The following GPR158 variants were observed in gnomAD, a reference collection of about 807,000 sequenced individuals.
GPR158 encodes G protein-coupled receptor 158.
GPR158 carries 30 observed loss-of-function variants against 78.2 expected under a neutral mutation model. The ratio of observed to expected loss-of-function variants is 0.38; its 90% CI spans 0.29 to 0.52. The LOEUF is 0.52. GPR158 is among the 20% of genes least tolerant of loss of function. The pLI, the probability that GPR158 is intolerant of heterozygous loss-of-function variation, is 0.83. For missense variants in GPR158, 1,463 were observed against 1,523.5 expected (o/e 0.96, Z 0.66); for synonymous variants, 581 against 591.1 (o/e 0.98, Z 0.25).
At chr10:25,305,731 A>T (rs892170999) in intron 2 of GPR158, among the ~76,000 whole-genome samples, 1 of 152,192 alleles carries the variant, frequency 6.6e-6, no homozygotes, top group African/African-American at 2.4e-5. Flanking sequence ...AGAGGCAGAA[A>T]AAACAGCAAC....
intron 5 of GPR158, among the ~76,000 whole-genome samples, chr10:25,487,281 T>TA (rs1362791655): frequency 1.3e-5 from 2 of 152,176 alleles, no homozygotes; most frequent in African/African-American, 2.4e-5. Context: ...ACCCTCCTGT[T>TA]TTATAGCTTA....
intron 1 of GPR158, among the ~76,000 whole-genome samples, chr10:25,178,907 G>A (rs1280567309): frequency 6.6e-6 from 1 of 152,164 alleles, no homozygotes; most frequent in Non-Finnish European, 1.5e-5. Context: ...TCTGCCTCTG[G>A]TTTATCCTAT....
chr10:25,510,694 C>A (rs371131142), intron 5 of GPR158, among the ~76,000 whole-genome samples: 2 of 152,134 alleles, frequency 1.3e-5, no homozygotes, highest in East Asian at 3.9e-4. Flanking sequence ...GTCTTTTATC[C>A]CTCAACCCTG....
At chr10:25,305,502 A>G (rs1242933040) in intron 2 of GPR158, among the ~76,000 whole-genome samples, 1 of 152,152 alleles carries the variant, frequency 6.6e-6, no homozygotes, top group Non-Finnish European at 1.5e-5. Flanking sequence ...TGAGTCCAGG[A>G]TCCTATGGGG....
intron 1 of GPR158, among the ~76,000 whole-genome samples, chr10:25,205,923 G>T (rs993314911): frequency 6.6e-6 from 1 of 150,888 alleles, no homozygotes; most frequent in Non-Finnish European, 1.5e-5. Flanking sequence ...TAGGTGGAGA[G>T]TTCTATAGAT....
intron 2 of GPR158, among the ~76,000 whole-genome samples, chr10:25,343,802 A>G (rs541014943): frequency 2.6e-5 from 4 of 152,152 alleles, no homozygotes; most frequent in South Asian, 4.1e-4. Flanking sequence ...TATGCCTGCT[A>G]GAAAATGCAC....
At chr10:25,475,698 A>G (rs1479599919) in intron 5 of GPR158, 1 of 152,130 alleles carries the variant, frequency 6.6e-6, no homozygotes, top group Non-Finnish European at 1.5e-5. Context: ...TGTGACTAAT[A>G]TCTTTCTTGT....
intron 1 of GPR158, among the ~76,000 whole-genome samples, chr10:25,215,323 A>G (rs1853193847): frequency 6.6e-6 from 1 of 152,206 alleles, no homozygotes; most frequent in South Asian, 2.1e-4. Flanking sequence ...TTAAACTCAT[A>G]GAGACAGAAA....
intron 2 of GPR158, among the ~76,000 whole-genome samples, chr10:25,378,773 T>C (rs1834118117): frequency 6.6e-6 from 1 of 152,156 alleles, no homozygotes; most frequent in South Asian, 2.1e-4. Context: ...TGGATTTACT[T>C]CCCACCTGCC....
chr10:25,387,085 C>T (rs1441522673), intron 2 of GPR158, among the ~76,000 whole-genome samples: 1 of 152,054 alleles, frequency 6.6e-6, no homozygotes, highest in Non-Finnish European at 1.5e-5. Flanking sequence ...AGTTTTTTAC[C>T]ATTGAGTATG....
chr10:25,468,632 G>A (rs1172076307), intron 5 of GPR158, among the ~76,000 whole-genome samples: 4 of 152,196 alleles, frequency 2.6e-5, no homozygotes, highest in Admixed American at 6.5e-5. Flanking sequence ...AAATAAGCAT[G>A]ATGAAATAAA....
At chr10:25,392,360 G>A (rs1051916116) in intron 2 of GPR158, among the ~76,000 whole-genome samples, 1 of 152,182 alleles carries the variant, frequency 6.6e-6, no homozygotes, top group African/African-American at 2.4e-5. Flanking sequence ...CCCTTGGCAG[G>A]TGTGGGATCC....
chr10:25,566,719 A>G (rs914952303), intron 6 of GPR158, among the ~76,000 whole-genome samples: 17 of 152,248 alleles, frequency 1.1e-4, no homozygotes, highest in African/African-American at 3.9e-4. Flanking sequence ...TTCATGTCTG[A>G]TAAGTGTCTA....
At chr10:25,347,538 TACAAGCTATTTTCATCATTAC>T (rs1461109945) in intron 2 of GPR158, among the ~76,000 whole-genome samples, 1 of 152,024 alleles carries the variant, frequency 6.6e-6, no homozygotes, top group Non-Finnish European at 1.5e-5. Flanking sequence ...ATCATCATTA[TACAAGCTATTTTCATCATTAC>T]CATTCTATTT....
rs188538117 is a variant in GPR158 at position 25,412,786 on chromosome 10, A to G, written c.1335+313A>G. ...GAGAAACTTATTCTACCAGCATCCA[A>G]TGTATTATTAATTTTTTTGTATCCA... On this transcript the variant is annotated intron_variant, in intron 4 of 10. Transcript: ENST00000376351. Among the ~76,000 whole-genome samples the G allele has an allele frequency of 6.0e-4, 91 of 152,214 alleles. 1 individual carries two copies. The highest frequency in any genetic ancestry group is 1.0e-3 in the Non-Finnish European group (69 of 68,014).
At chr10:25,516,816 C>G (rs1470938535) in intron 5 of GPR158, among the ~76,000 whole-genome samples, 2 of 115,496 alleles carry the variant, frequency 1.7e-5, no homozygotes, top group Non-Finnish European at 3.4e-5. Flanking sequence ...ATGCCTCCAG[C>G]TTTGTTCTTT....
At chr10:25,222,250 C>T (rs1853308847) in intron 2 of GPR158, among the ~76,000 whole-genome samples, 2 of 152,004 alleles carry the variant, frequency 1.3e-5, no homozygotes, top group South Asian at 2.1e-4. Context: ...TTCTCACATC[C>T]GCCATACATT....
chr10:25,547,606 A>G (rs1288757750), intron 5 of GPR158, among the ~76,000 whole-genome samples: 1 of 152,062 alleles, frequency 6.6e-6, no homozygotes. Context: ...AATCCTCATT[A>G]TAATGCATTT....
intron 2 of GPR158, among the ~76,000 whole-genome samples, chr10:25,224,414 ATT>A (rs1459941651): frequency 6.6e-6 from 1 of 151,522 alleles, no homozygotes; most frequent in African/African-American, 2.4e-5. Flanking sequence ...CTTTTGTTAT[ATT>A]TTTATGTTAA....
Sources: allele counts gnomAD v4.1 joint callset (sites outside exome capture counted in the v4.1 genomes callset), GRCh38; gene constraint gnomAD v4.1.1; transcripts MANE v1.5; gene names NCBI Gene and HGNC (gene_info 2026-07-23, HGNC 2026-07-21).